Variants in STS observed in about 807,000 individuals in gnomAD.
The protein encoded by STS is steroid sulfatase, also known as steryl-sulfatase.
STS carries 7 observed loss-of-function variants against 26.8 expected under a neutral mutation model. That is an observed-to-expected ratio of 0.26 (90% CI 0.15 to 0.49). The LOEUF is 0.49. STS is among the 20% of genes least tolerant of loss of function. STS has a pLI of 0.98. For missense variants in STS, 434 were observed against 465.6 expected (o/e 0.93, Z 0.63); for synonymous variants, 199 against 189.4 (o/e 1.05, Z -0.42).
chrX:7,221,306 T>C (rs1302577419), intron 2 of STS, among the ~76,000 whole-genome samples: 1 of 112,582 alleles, frequency 8.9e-6, no homozygotes, highest in Admixed American at 9.4e-5. Context: ...CCATGTTGGA[T>C]AAATATTCTG....
At chrX:7,239,460 A>G (rs1366251806) in intron 2 of STS, among the ~76,000 whole-genome samples, 1 of 112,127 alleles carries the variant, frequency 8.9e-6, no homozygotes, top group East Asian at 2.8e-4. Flanking sequence ...CTGTGGTTAA[A>G]GTTTCTGTTA....
intron 3 of STS, among the ~76,000 whole-genome samples, chrX:7,255,989 G>A (rs993949855): frequency 2.7e-5 from 3 of 112,015 alleles, no homozygotes; most frequent in African/African-American, 9.7e-5. Context: ...AATTAGCCAT[G>A]CCATTGCTTT....
chrX:7,343,645 A>G (rs1928391649), intron 10 of STS, among the ~76,000 whole-genome samples: 1 of 111,607 alleles, frequency 9.0e-6, no homozygotes. Context: ...AACCTAAACT[A>G]TTGATGCTCA....
chrX:7,276,007 T>G lies in STS; in HGVS notation c.863T>G (p.Leu288Arg). Residue 288 changes from leucine to arginine, a missense_variant, in exon 7 of 11, where the codon CTG (leucine) becomes CGG (arginine). By Grantham distance (102) the Leu-to-Arg change is moderately radical. Coordinates refer to ENST00000674429, the MANE Select transcript of STS (RefSeq NM_001320752.2). ...TCCTACCTCCACGTGCACACAGCCCTGTTCTCCAGCAAAGACTTTGCTGGC... is the reference window on the plus strand; with the variant it reads ...TCCTACCTCCACGTGCACACAGCCCGGTTCTCCAGCAAAGACTTTGCTGGC... ...VLSYLHVHTA[L>R]FSSKDFAGKS... 1 of 1,198,896 alleles carries G rather than the reference T, an allele frequency of 8.3e-7. No individual in the cohort carries two copies. The highest frequency in any genetic ancestry group is 1.1e-6 in the Non-Finnish European group (1 of 890,008).
intron 2 of STS, among the ~76,000 whole-genome samples, chrX:7,204,545 CTCCCTTCCT>C (rs1337975252): frequency 1.8e-4 from 16 of 89,638 alleles, no homozygotes; most frequent in African/African-American, 6.6e-4. Flanking sequence ...CCCTCCTTTC[CTCCCTTCCT>C]TCCCTTCCTT....
At chrX:7,344,217 T>G (rs1198265046) in intron 10 of STS, among the ~76,000 whole-genome samples, 1 of 112,113 alleles carries the variant, frequency 8.9e-6, no homozygotes, top group Non-Finnish European at 1.9e-5. Flanking sequence ...TCACTCTTGC[T>G]GTAGAACAGA....
In STS at chrX:7,325,364, A is replaced by T. The variant is rs752328746; in HGVS notation, c.1107A>T (p.Gly369=). ...YKGGKANNWE[G]GIRVPGILRW... ...GAGGAAAAGCAAACAACTGGGAAGG[A>T]GGTATCCGGGTTCCAGGCATCCTTC... The change falls in exon 9 of 11, where the codon GGA becomes GGT. Residue 369 remains glycine, a synonymous_variant. Coordinates refer to ENST00000674429, the MANE Select transcript of STS (RefSeq NM_001320752.2). 21 of 1,209,461 alleles carry T rather than the reference A, an allele frequency of 1.7e-5. No homozygotes were observed. The highest frequency in any genetic ancestry group is 2.2e-5 in the Non-Finnish European group (20 of 895,068).
intron 2 of STS, among the ~76,000 whole-genome samples, chrX:7,202,990 C>G (rs972074388): frequency 1.8e-5 from 2 of 110,944 alleles, no homozygotes; most frequent in East Asian, 2.8e-4. Flanking sequence ...GTCTCTCTCC[C>G]TCTCTTCATC....
chrX:7,287,664 T>G (rs1238818511), intron 7 of STS, among the ~76,000 whole-genome samples: 2 of 96,521 alleles, frequency 2.1e-5, no homozygotes, highest in African/African-American at 7.3e-5. Context: ...TTTTTAAAAT[T>G]TTTTTATTTT....
chrX:7,206,558 G>T (rs1306994477), intron 2 of STS, among the ~76,000 whole-genome samples: 3 of 111,492 alleles, frequency 2.7e-5, no homozygotes, highest in Non-Finnish European at 3.8e-5. Context: ...TACTTTATCT[G>T]CAAAAATGGC....
chrX:7,219,822 T>C (rs1921470847), intron 2 of STS: 1 of 783,436 alleles, frequency 1.3e-6, no homozygotes, highest in Admixed American at 2.5e-5. Flanking sequence ...CTTAAATCTG[T>C]TTTTGCTTGG....
chrX:7,323,387 C>G (rs926369979), intron 8 of STS, among the ~76,000 whole-genome samples: 8 of 110,628 alleles, frequency 7.2e-5, no homozygotes, highest in Admixed American at 3.9e-4. Context: ...CTCTTTCCCC[C>G]CTAGTAGTTC....
chrX:7,297,025 A>C lies in STS; in HGVS notation c.944-8021A>C, dbSNP rs760407841. 8.9e-5 allele frequency among the ~76,000 whole-genome samples: 10 copies of C among 112,244 alleles called. No homozygotes were observed. The South Asian group carries it at 3.3e-3, about 38-fold the overall frequency. Reference sequence around the variant, plus strand: ...GCACTCTTACAGTTTTCCATGTTTTAAGTACCCTAATAATTCCGATTATAT... The same window carrying C: ...GCACTCTTACAGTTTTCCATGTTTTCAGTACCCTAATAATTCCGATTATAT... On this transcript the variant is annotated intron_variant, in intron 7 of 10. Coordinates refer to ENST00000674429, the MANE Select transcript of STS (RefSeq NM_001320752.2).
intron 2 of STS, among the ~76,000 whole-genome samples, chrX:7,204,029 C>T (rs1485824849): frequency 1.8e-5 from 2 of 111,744 alleles, no homozygotes; most frequent in Admixed American, 9.5e-5. Context: ...AAGTGATCCT[C>T]CCACACTTGG....
chrX:7,351,179 G>A lies in STS; in HGVS notation c.*918G>A, dbSNP rs1308086404. The stretch of plus-strand genomic sequence containing the variant: ...TAAAAGCCCACTGTGGAGATGCTGT[G>A]GTTCATGGAATCTCTTCCAGTGTAA... On this transcript the variant is annotated 3_prime_UTR_variant, in exon 11 of 11. Coordinates refer to ENST00000674429, the MANE Select transcript of STS (RefSeq NM_001320752.2). 4.5e-5 allele frequency: 5 copies of A among 112,044 alleles called. No homozygotes were observed. Among genetic ancestry groups the A allele is most frequent in the African/African-American group, 1.6e-4 (5 of 30,843 alleles). 9.2% of individuals were successfully genotyped at this position (112,044 alleles called of 1,213,427 possible).
chrX:7,302,273 C>T (rs1279071808), intron 7 of STS, among the ~76,000 whole-genome samples: 2 of 111,513 alleles, frequency 1.8e-5, no homozygotes, highest in African/African-American at 6.5e-5. Flanking sequence ...CAAAAGGGGG[C>T]ATTTTTCTTT....
intron 2 of STS, among the ~76,000 whole-genome samples, chrX:7,203,586 G>GT (rs1327716555): frequency 9.0e-6 from 1 of 111,126 alleles, no homozygotes; most frequent in African/African-American, 3.3e-5. Context: ...TTTGTAAACT[G>GT]TTTTTTTCTG....
rs762477970 is a variant in STS at position 7,177,429 on chromosome X, CAT to C, written c.-133-13447_-133-13446del. On this transcript the variant is annotated intron_variant, in intron 1 of 10. Coordinates refer to ENST00000674429, the MANE Select transcript of STS (RefSeq NM_001320752.2). ...GTGTCATCATGTCAATTTTATACAACATATAATTTTAATTTAAAATATATATA... is the reference window on the plus strand; with the variant it reads ...GTGTCATCATGTCAATTTTATACAACATAATTTTAATTTAAAATATATATA... 5.4e-3 allele frequency among the ~76,000 whole-genome samples: 579 copies of C among 107,241 alleles called. 6 individuals carry two copies. The highest frequency in any genetic ancestry group is 0.019 in the African/African-American group (564 of 29,651). The allele number at this position is 107,241 out of a possible 115,157, so 93.1% of individuals were successfully genotyped here.
At chrX:7,148,664 T>A (rs1037976659) in intron 1 of STS, among the ~76,000 whole-genome samples, 18 of 112,120 alleles carry the variant, frequency 1.6e-4, no homozygotes, top group Non-Finnish European at 2.6e-4. Context: ...TTTTTCTCAG[T>A]TTCGCTTGCC....
Sources: gnomAD v4.1 joint callset for allele counts (sites outside exome capture counted in the v4.1 genomes callset) on GRCh38, gnomAD v4.1.1 for gene constraint, MANE v1.5 for transcripts, NCBI Gene and HGNC (gene_info 2026-07-23, HGNC 2026-07-21) for gene names.